Variants in ATG4C observed in about 807,000 individuals in gnomAD.
The protein encoded by ATG4C is cysteine protease ATG4C.
A neutral mutation model predicts 57.6 loss-of-function variants in ATG4C; 56 were observed. The ratio of observed to expected loss-of-function variants is 0.97; its 90% CI spans 0.78 to 1.21. The LOEUF (loss-of-function observed/expected upper bound fraction) is 1.21, where lower values mean the gene tolerates loss of function less well. Ranked by LOEUF, ATG4C falls within the 50% of genes most tolerant of loss-of-function variation. The probability of loss-of-function intolerance (pLI) is 0.00; values close to 1 mark genes in which losing one functional copy is unlikely to be tolerated. For synonymous variants in ATG4C, 157 were observed against 174.1 expected (o/e 0.90, Z 0.78); for missense variants, 595 against 529.8 (o/e 1.12, Z -1.21).
intron 9 of ATG4C, among the ~76,000 whole-genome samples, chr1:62,837,991 C>T (rs1666048389): frequency 6.6e-6 from 1 of 152,146 alleles, no homozygotes; most frequent in East Asian, 1.9e-4. Flanking sequence ...AGGGTATTTT[C>T]TAATTAACTG....
chr1:62,815,611 G>A (rs976679357), intron 3 of ATG4C, among the ~76,000 whole-genome samples: 2 of 152,152 alleles, frequency 1.3e-5, no homozygotes, highest in Non-Finnish European at 2.9e-5. Flanking sequence ...GCTCAATGCA[G>A]CCTCAACCTC....
chr1:62,842,902 T>C (rs1242430607), intron 10 of ATG4C, among the ~76,000 whole-genome samples: 2 of 152,188 alleles, frequency 1.3e-5, no homozygotes, highest in South Asian at 2.1e-4. Flanking sequence ...TACTGGAAAT[T>C]AGTATATGCA....
intron 5 of ATG4C, among the ~76,000 whole-genome samples, chr1:62,820,168 C>T (rs944762696): frequency 6.6e-6 from 1 of 152,034 alleles, no homozygotes; most frequent in Non-Finnish European, 1.5e-5. Flanking sequence ...ATATCAATTC[C>T]AACTTGGTAT....
intron 10 of ATG4C, among the ~76,000 whole-genome samples, chr1:62,852,490 A>G (rs1666546516): frequency 6.6e-6 from 1 of 152,026 alleles, no homozygotes; most frequent in Admixed American, 6.6e-5. Flanking sequence ...ATTCTTTGTT[A>G]TTTTTTAGTT....
chr1:62,834,289 T>G (rs1226037265), intron 8 of ATG4C, among the ~76,000 whole-genome samples, 173 bp downstream of exon 8: 1 of 152,082 alleles, frequency 6.6e-6, no homozygotes, highest in African/African-American at 2.4e-5. Flanking sequence ...AATTAGATTC[T>G]GTAAAATATA....
intron 7 of ATG4C, among the ~76,000 whole-genome samples, chr1:62,833,440 T>C (rs1486400479): frequency 1.3e-5 from 2 of 152,194 alleles, no homozygotes; most frequent in East Asian, 3.8e-4. Flanking sequence ...TATTGTGGTA[T>C]TCCTGATATT....
At chr1:62,847,760 G>A (rs917556801) in intron 10 of ATG4C, among the ~76,000 whole-genome samples, 24 of 152,152 alleles carry the variant, frequency 1.6e-4, no homozygotes, top group Non-Finnish European at 2.9e-4. Context: ...CAGTTTAGTA[G>A]TATCTTTTAT....
chr1:62,785,352 A>G (rs988699249), intron 1 of ATG4C: 1 of 152,264 alleles, frequency 6.6e-6, no homozygotes, highest in African/African-American at 2.4e-5. Flanking sequence ...CTGAGGCTAT[A>G]TTGAATTACC....
chr1:62,798,932 C>T (rs1322285914), intron 1 of ATG4C, among the ~76,000 whole-genome samples: 2 of 152,072 alleles, frequency 1.3e-5, no homozygotes, highest in East Asian at 1.9e-4. Context: ...CGTGAGCCAC[C>T]GCCCCTGGCT....
At position 62,829,173 on chromosome 1, in the gene ATG4C, G is replaced by C; in HGVS notation, c.930G>C (p.Val310=). The C allele has an allele frequency of 6.2e-7, 1 of 1,612,346 alleles. No individual in the cohort carries two copies. The highest frequency in any genetic ancestry group is 8.5e-7 in the Non-Finnish European group (1 of 1,179,006). Residue 310 remains valine, a synonymous_variant, in exon 7 of 11, where the codon GTG becomes GTC. Transcript: ENST00000317868. ...ERTNTDYLEF[V]KGILSLEYCV... ...CCAACACCGACTACTTAGAATTTGT[G>C]AAGGTATGAAATAAGTGCTGAACTT...
At chr1:62,815,185 T>C (rs1665226784) in intron 3 of ATG4C, among the ~76,000 whole-genome samples, 1 of 152,208 alleles carries the variant, frequency 6.6e-6, no homozygotes, top group Non-Finnish European at 1.5e-5. Context: ...TTAAATCTTT[T>C]TTTTTTGTTT....
chr1:62,805,147 C>A (rs772468786), intron 2 of ATG4C, 25 bp from the exon 3 acceptor site: 1 of 1,487,314 alleles, frequency 6.7e-7, no homozygotes, highest in East Asian at 2.6e-5. Flanking sequence ...AAAACGTTTT[C>A]TTTTCTTTTT....
At chr1:62,859,153 TATG>T (rs953491958) in intron 10 of ATG4C, among the ~76,000 whole-genome samples, 1 of 152,216 alleles carries the variant, frequency 6.6e-6, no homozygotes, top group African/African-American at 2.4e-5. Flanking sequence ...TGAGTGCTGA[TATG>T]ATACTAAAAG....
At chr1:62,802,740 C>T (rs1036821386) in intron 1 of ATG4C, among the ~76,000 whole-genome samples, 1 of 152,124 alleles carries the variant, frequency 6.6e-6, no homozygotes, top group Non-Finnish European at 1.5e-5. Flanking sequence ...TCATCTCATG[C>T]CACTTTTTTA....
chr1:62,817,992 GGAT>G (rs990847828), intron 4 of ATG4C, among the ~76,000 whole-genome samples: 139 of 152,104 alleles, frequency 9.1e-4, no homozygotes, highest in African/African-American at 3.2e-3. Flanking sequence ...TGGTTTTCTG[GGAT>G]GATTTATTTA....
chr1:62,860,683 G>A (rs1180381489), intron 10 of ATG4C, among the ~76,000 whole-genome samples: 1 of 152,194 alleles, frequency 6.6e-6, no homozygotes, highest in Non-Finnish European at 1.5e-5. Flanking sequence ...ACAATTTAAA[G>A]ACTTGTTAAA....
chr1:62,804,750 G>C lies in ATG4C; in HGVS notation c.77-422G>C, dbSNP rs185218995. Among the ~76,000 whole-genome samples, 137 of 152,180 alleles carry C rather than the reference G, an allele frequency of 9.0e-4. 2 individuals carry two copies. Among genetic ancestry groups the C allele is most frequent in the Non-Finnish European group, 6.9e-4 (47 of 68,008 alleles). On this transcript the variant is annotated intron_variant, in intron 2 of 10. Transcript: ENST00000317868. ...CAGAACCAGCTTCAACAGGAAAAAA[G>C]CTCATATTCATAAAATAAGTGTGAA... is the stretch of plus-strand genomic sequence containing the variant.
intron 3 of ATG4C, among the ~76,000 whole-genome samples, chr1:62,805,477 T>C (rs891747906): frequency 1.9e-4 from 29 of 152,258 alleles, no homozygotes; most frequent in Middle Eastern, 6.8e-3. Flanking sequence ...TTTGGACTTA[T>C]AGTATGAGTA....
At chr1:62,845,240 T>A (rs1456600490) in intron 10 of ATG4C, among the ~76,000 whole-genome samples, 1 of 152,146 alleles carries the variant, frequency 6.6e-6, no homozygotes, top group Non-Finnish European at 1.5e-5. Context: ...TTTCTTAACA[T>A]CCTTATCAAC....
Sources: allele counts gnomAD v4.1 joint callset (sites outside exome capture counted in the v4.1 genomes callset), GRCh38; gene constraint gnomAD v4.1.1; transcripts MANE v1.5; gene names NCBI Gene and HGNC (gene_info 2026-07-23, HGNC 2026-07-21).